The following TNFRSF10A variants were observed in gnomAD, a reference collection of about 807,000 sequenced individuals.
The protein encoded by TNFRSF10A is TNF receptor superfamily member 10a.
Under a neutral mutation model 42.8 loss-of-function variants are expected in TNFRSF10A, and 44 were observed. That is an observed-to-expected ratio of 1.03 (90% confidence interval 0.81 to 1.32). The LOEUF (loss-of-function observed/expected upper bound fraction) is 1.32. TNFRSF10A is among the 40% of genes most tolerant of loss of function. The pLI is 0.00. For synonymous variants in TNFRSF10A, 259 were observed against 234.2 expected (o/e 1.11, Z -0.97); for missense variants, 680 against 602.0 (o/e 1.13, Z -1.36).
At position 23,193,500 on chromosome 8, in the gene TNFRSF10A, T is replaced by C. The variant is rs1800782094; in HGVS notation, c.1088-1487A>G. ...TTTAAAGGAATTTCCATTTGCAGGT[T>C]GAACAGGCCCAAGTGACTGTGAGAG... On this transcript the variant is annotated intron_variant, in intron 9 of 9. Transcript: ENST00000221132. Among the ~76,000 whole-genome samples the C allele has an allele frequency of 2.0e-5, 3 of 152,248 alleles. No homozygotes were observed. In the South Asian group the frequency reaches 6.2e-4, roughly 32 times the overall value.
At position 23,202,717 on chromosome 8, in the gene TNFRSF10A, C is replaced by A; in HGVS notation, c.448G>T (p.Glu150Ter). 2.5e-6 allele frequency: 4 copies of A among 1,614,042 alleles called. No homozygotes were observed. Among genetic ancestry groups the A allele is most frequent in the Non-Finnish European group, 3.4e-6 (4 of 1,179,948 alleles). ...GAAGCATTGGTGTAACCCACACCCT[C>A]TGTGCACCGGTTACAGGCTCCAGGA... is the stretch of plus-strand genomic sequence containing the variant. ...EHPGACNRCT[E>*]GVGYTNASNN... The change falls in exon 3 of 10, where the codon GAG becomes TAG. Residue 150 changes from glutamate (E) to a stop codon, truncating the protein, a stop_gained. Transcript: ENST00000221132. LOFTEE classifies it high-confidence loss of function.
intron 3 of TNFRSF10A, among the ~76,000 whole-genome samples, chr8:23,202,369 C>G (rs907109816): frequency 6.6e-6 from 1 of 152,208 alleles, no homozygotes; most frequent in African/African-American, 2.4e-5. Context: ...CAGACCCGTA[C>G]CACCGCTGAA....
intron 2 of TNFRSF10A, among the ~76,000 whole-genome samples, chr8:23,204,066 C>G (rs1037261440): frequency 6.6e-6 from 1 of 152,002 alleles, no homozygotes; most frequent in African/African-American, 2.4e-5. Flanking sequence ...AGTGAGCCAC[C>G]GTGCCACTGT....
At chr8:23,211,083 A>G (rs1416252682) in intron 2 of TNFRSF10A, among the ~76,000 whole-genome samples, 2 of 152,212 alleles carry the variant, frequency 1.3e-5, no homozygotes, top group Non-Finnish European at 2.9e-5. Context: ...AAGAAATAAA[A>G]AGCATCCAGA....
Position 23,200,674 on chromosome 8 carries a change from G to GCGGGC in TNFRSF10A, c.703+12_703+13insGCCCG. On this transcript the variant is annotated intron_variant, in intron 5 of 9. Coordinates refer to ENST00000221132, the MANE Select transcript of TNFRSF10A (RefSeq NM_003844.4). ...CTCCTCTGCAGCTGGGGCTTCCCCA[G>GCGGGC]TGGGCTTTGTACCTGATTCTTTGTG... is the stretch of plus-strand genomic sequence containing the variant. 4 of 1,614,170 alleles carry GCGGGC rather than the reference G, an allele frequency of 2.5e-6. No homozygotes were observed. The highest frequency in any genetic ancestry group is 3.4e-6 in the Non-Finnish European group (4 of 1,180,028).
chr8:23,213,228 G>A (rs1319968755), intron 1 of TNFRSF10A, among the ~76,000 whole-genome samples: 1 of 151,800 alleles, frequency 6.6e-6, no homozygotes, highest in Non-Finnish European at 1.5e-5. Flanking sequence ...CTGTAAAGTT[G>A]TTTTAAATGT....
intron 3 of TNFRSF10A, 61 bp downstream of exon 3, chr8:23,202,587 A>G: frequency 5.8e-6 from 8 of 1,378,962 alleles, no homozygotes; most frequent in Non-Finnish European, 8.3e-6. Flanking sequence ...CACATTGGCT[A>G]CCACTCCCAC....
At chr8:23,220,919 C>T (rs1213557397) in intron 1 of TNFRSF10A, among the ~76,000 whole-genome samples, 1 of 152,220 alleles carries the variant, frequency 6.6e-6, no homozygotes, top group Non-Finnish European at 1.5e-5. Context: ...CTTCAAACTG[C>T]AACCAGTGCC....
intron 8 of TNFRSF10A, among the ~76,000 whole-genome samples, chr8:23,198,189 T>C (rs1404102430): frequency 6.6e-6 from 1 of 151,976 alleles, no homozygotes; most frequent in Non-Finnish European, 1.5e-5. Flanking sequence ...CTCAAAGGGG[T>C]TGGAAAAACC....
At position 23,200,576 on chromosome 8, in the gene TNFRSF10A, A is replaced by G. The variant is rs754916329; in HGVS notation, c.728T>C (p.Ile243Thr). The change falls in exon 6 of 10, where the codon ATT becomes ACT. Residue 243 changes from isoleucine to threonine, a missense_variant. Ile to Thr is a moderately conservative substitution (Grantham distance 89, BLOSUM62 -1). Transcript: ENST00000221132. ...CGGAACAACCAAAGTCACAACCAAA[A>G]TCACCCATATATTATGTCCATTGCC... ...ESGNGHNIWV[I>T]LVVTLVVPLL... 2 of 1,614,014 alleles carry G rather than the reference A, an allele frequency of 1.2e-6. No homozygotes were observed. The highest frequency in any genetic ancestry group is 2.7e-5 in the African/African-American group (2 of 74,908).
intron 2 of TNFRSF10A, 61 bp from the exon 3 acceptor site, chr8:23,202,822 GGTGGCTAGGA>G: frequency 8.3e-7 from 1 of 1,210,402 alleles, no homozygotes; most frequent in South Asian, 1.2e-5. Flanking sequence ...GGATCGTGGC[GGTGGCTAGGA>G]AACTCTTCTT....
chr8:23,216,741 C>CAA (rs58685481), intron 1 of TNFRSF10A, among the ~76,000 whole-genome samples: 1 of 108,660 alleles, frequency 9.2e-6, no homozygotes, highest in African/African-American at 3.4e-5. Context: ...GAAGCCAATT[C>CAA]AAAAAAAAAA....
At chr8:23,197,479 T>C (rs1267558230) in intron 8 of TNFRSF10A, among the ~76,000 whole-genome samples, 1 of 152,168 alleles carries the variant, frequency 6.6e-6, no homozygotes, top group Non-Finnish European at 1.5e-5. Context: ...GGGATCTGGG[T>C]TGCATACTCC....
In TNFRSF10A at chr8:23,191,003, T is replaced by G. The variant is rs1322001912; in HGVS notation, c.*691A>C. ...GATCAGATGGATTTGCTTTTCCTTT[T>G]TTTTTTGTTTTCTTCTATCTTGCTC... On this transcript the variant is annotated 3_prime_UTR_variant, in exon 10 of 10. Coordinates refer to ENST00000221132, the MANE Select transcript of TNFRSF10A (RefSeq NM_003844.4). 2.0e-5 allele frequency: 3 copies of G among 152,346 alleles called. No individual in the cohort carries two copies. The East Asian group carries it at 5.8e-4, about 29-fold the overall frequency. 9.4% of individuals were successfully genotyped at this position (152,346 alleles called of 1,614,324 possible). A position where few individuals can be genotyped will look rare whatever the true frequency, so the allele number is the denominator to read the frequency against.
At position 23,191,918 on chromosome 8, in the gene TNFRSF10A, C is replaced by T. The variant is rs370495260; in HGVS notation, c.1183G>A (p.Asp395Asn). 1.6e-5 allele frequency: 26 copies of T among 1,614,006 alleles called. No homozygotes were observed. Among genetic ancestry groups the T allele is most frequent in the Admixed American group, 5.0e-5 (3 of 59,988 alleles). Residue 395 changes from aspartate (D) to asparagine (N), a missense_variant, in exon 10 of 10, where the codon GAT (aspartate) becomes AAT (asparagine). Asp to Asn is a conservative substitution (Grantham distance 23). Coordinates refer to ENST00000221132, the MANE Select transcript of TNFRSF10A (RefSeq NM_003844.4). ...CCTGCTGTACCAGCTCTGACCACATCGATCTCATTTTTCGTGAGGTCCAGC... is the reference window on the plus strand; with the variant it reads ...CCTGCTGTACCAGCTCTGACCACATTGATCTCATTTTTCGTGAGGTCCAGC... Reference protein sequence around the residue: ...RQLDLTKNEIDVVRAGTAGPG... With the variant: ...RQLDLTKNEINVVRAGTAGPG...
At chr8:23,201,685 G>T in intron 4 of TNFRSF10A, 123 bp downstream of exon 4, 1 of 841,842 alleles carries the variant, frequency 1.2e-6, no homozygotes, top group Non-Finnish European at 1.9e-6. Context: ...ACACCTATGG[G>T]GGTGGAGGCA....
At chr8:23,197,330 T>C (rs1800838590) in intron 8 of TNFRSF10A, 126 bp from the exon 9 acceptor site, 1 of 1,152,640 alleles carries the variant, frequency 8.7e-7, no homozygotes, top group Non-Finnish European at 1.3e-6. Context: ...ACCATGGAGA[T>C]GGTGAAAAAC....
chr8:23,192,965 C>CA (rs1563375936), intron 9 of TNFRSF10A, among the ~76,000 whole-genome samples: 1 of 152,242 alleles, frequency 6.6e-6, no homozygotes, highest in African/African-American at 2.4e-5. Flanking sequence ...TGGGACCCCT[C>CA]ATTCATCTTG....
chr8:23,199,276 T>C lies in TNFRSF10A; in HGVS notation c.1004A>G (p.Gln335Arg). ...CTGTCCCCAACTCACCAGCAGACAC[T>C]GTGCCTCCCCTGGGGACTGTACAGT... The part of the protein sequence containing the change: ...GVTVQSPGEA[Q>R]CLLGPAEAEG... The change falls in exon 8 of 10, where the codon CAG (glutamine) becomes CGG (arginine). Residue 335 changes from glutamine to arginine, a missense_variant. Coordinates refer to ENST00000221132, the MANE Select transcript of TNFRSF10A (RefSeq NM_003844.4). 4 of 1,613,090 alleles carry C rather than the reference T, an allele frequency of 2.5e-6. No homozygotes were observed. The East Asian group carries it at 8.9e-5, about 36-fold the overall frequency.
Sources: gnomAD v4.1 joint callset for allele counts (sites outside exome capture counted in the v4.1 genomes callset) on GRCh38, gnomAD v4.1.1 for gene constraint, MANE v1.5 for transcripts, NCBI Gene and HGNC (gene_info 2026-07-23, HGNC 2026-07-21) for gene names.